The following TENM1 variants were observed in gnomAD, a reference collection of about 807,000 sequenced individuals.
The protein encoded by TENM1 is teneurin-1.
TENM1 carries 35 observed loss-of-function variants against 174.8 expected under a neutral mutation model. The ratio of observed to expected loss-of-function variants is 0.20; its 90% CI spans 0.15 to 0.27. The LOEUF (loss-of-function observed/expected upper bound fraction) is 0.27, where lower values mean the gene tolerates loss of function less well. TENM1 is among the 10% of genes least tolerant of loss of function. TENM1 has a pLI of 1.00. For synonymous variants in TENM1, 781 were observed against 798.7 expected (o/e 0.98, Z 0.37); for missense variants, 1,633 against 2,130.1 (o/e 0.77, Z 4.59).
intron 3 of TENM1, among the ~76,000 whole-genome samples, chrX:124,793,298 A>G (rs2147210277): frequency 9.0e-6 from 1 of 111,620 alleles, no homozygotes; most frequent in African/African-American, 3.2e-5. Flanking sequence ...AGGGCTAAGA[A>G]ATATGAGAAA....
chrX:124,738,918 C>T (rs903682228), intron 3 of TENM1, among the ~76,000 whole-genome samples: 81 of 112,516 alleles, frequency 7.2e-4, no homozygotes, highest in African/African-American at 2.5e-3. Flanking sequence ...CTGGCTAATG[C>T]TCCATTCCCT....
exon 12 of TENM1, chrX:124,565,375 C>T (rs943161541): frequency 1.9e-5 from 23 of 1,180,113 alleles, no homozygotes; most frequent in Non-Finnish European, 2.5e-5. Flanking sequence ...TGGTACTTAC[C>T]AATTGTGCAG....
the TENM1 span, among the ~76,000 whole-genome samples, chrX:125,021,234 T>G: frequency 9.3e-6 from 1 of 107,548 alleles, no homozygotes; most frequent in Admixed American, 1.0e-4. Flanking sequence ...TTTTTTTTTT[T>G]GCCTATGCTT....
At chrX:124,598,306 T>C (rs186967592) in intron 11 of TENM1, among the ~76,000 whole-genome samples, 4 of 111,603 alleles carry the variant, frequency 3.6e-5, no homozygotes, top group East Asian at 2.8e-4. Context: ...ACAACCACTA[T>C]GGAGAACAGT....
At chrX:124,434,113 C>A (rs2060808674) in intron 23 of TENM1, among the ~76,000 whole-genome samples, 1 of 111,566 alleles carries the variant, frequency 9.0e-6, no homozygotes, top group Non-Finnish European at 1.9e-5. Flanking sequence ...GAGGCTACCT[C>A]AGGCTAGTGT....
intron 3 of TENM1, among the ~76,000 whole-genome samples, chrX:124,864,401 T>C (rs1256720016): frequency 8.9e-6 from 1 of 111,833 alleles, no homozygotes; most frequent in East Asian, 2.8e-4. Flanking sequence ...ACAAAGAGAT[T>C]GGAATAATTC....
intron 4 of TENM1, among the ~76,000 whole-genome samples, chrX:124,731,505 G>A (rs932358866): frequency 9.8e-5 from 11 of 111,872 alleles, no homozygotes; most frequent in Admixed American, 7.6e-4. Flanking sequence ...AGCAACTGTA[G>A]TGTGGTTGAA....
At chrX:124,384,854 C>A (rs771674711) in exon 30 of TENM1, 1 of 1,191,100 alleles carries the variant, frequency 8.4e-7, no homozygotes, top group East Asian at 3.0e-5. Context: ...AATAAGAGGT[C>A]CTGCAGGAAC....
chrX:124,576,113 G>A (rs1030380483), intron 11 of TENM1, among the ~76,000 whole-genome samples: 2 of 110,747 alleles, frequency 1.8e-5, no homozygotes, highest in African/African-American at 6.6e-5. Context: ...AGGCTGGAGT[G>A]CAGTGGTGTG....
chrX:124,708,972 C>T (rs1485892072), intron 4 of TENM1, among the ~76,000 whole-genome samples: 3 of 111,336 alleles, frequency 2.7e-5, no homozygotes, highest in African/African-American at 9.8e-5. Context: ...AAGTTAGGCA[C>T]TTTGTCTCCA....
At chrX:124,756,930 G>A (rs1157671476) in intron 3 of TENM1, among the ~76,000 whole-genome samples, 5 of 111,956 alleles carry the variant, frequency 4.5e-5, no homozygotes, top group Admixed American at 9.4e-5. Context: ...TAGGCTGCTC[G>A]GGGGTCAGGG....
intron 20 of TENM1, among the ~76,000 whole-genome samples, chrX:124,490,540 T>C (rs1160280094): frequency 8.9e-6 from 1 of 111,888 alleles, no homozygotes; most frequent in Non-Finnish European, 1.9e-5. Context: ...CAGAGCACAA[T>C]GTATGAAATA....
chrX:124,735,497 T>G (rs1428070060), intron 4 of TENM1, among the ~76,000 whole-genome samples: 1 of 112,461 alleles, frequency 8.9e-6, no homozygotes, highest in Middle Eastern at 4.2e-3. Context: ...TATACACTGT[T>G]GGTGGGAATA....
At chrX:125,170,566 G>C in the TENM1 span, among the ~76,000 whole-genome samples, 5 of 111,231 alleles carry the variant, frequency 4.5e-5, no homozygotes, top group Non-Finnish European at 9.5e-5. Flanking sequence ...AAAAATGACT[G>C]TCTTAAATAT....
the TENM1 span, among the ~76,000 whole-genome samples, chrX:125,078,818 T>G: frequency 1.8e-5 from 2 of 112,113 alleles, no homozygotes; most frequent in African/African-American, 6.5e-5. Context: ...ATGGTTTACA[T>G]AAAACATCAT....
At chrX:124,640,961 CAA>C (rs59598996) in intron 11 of TENM1, among the ~76,000 whole-genome samples, 5 of 57,745 alleles carry the variant, frequency 8.7e-5, no homozygotes, top group Non-Finnish European at 2.9e-5. Context: ...AATCCATCTC[CAA>C]AAAAAAAAAA....
intron 1 of TENM1, among the ~76,000 whole-genome samples, chrX:124,916,865 T>C (rs976890392): frequency 9.1e-6 from 1 of 109,938 alleles, no homozygotes; most frequent in Non-Finnish European, 1.9e-5. Context: ...AAGACATCTT[T>C]AGCCACTGGA....
At chrX:124,817,368 T>C (rs1290492455) in intron 3 of TENM1, among the ~76,000 whole-genome samples, 2 of 112,228 alleles carry the variant, frequency 1.8e-5, no homozygotes, top group Non-Finnish European at 3.8e-5. Context: ...TGTGTCTTTA[T>C]AGTAAAATTA....
At chrX:124,936,527 C>T (rs759420172) in intron 1 of TENM1, among the ~76,000 whole-genome samples, 4 of 111,902 alleles carry the variant, frequency 3.6e-5, no homozygotes, top group South Asian at 3.7e-4. Context: ...TCAATGAAGA[C>T]GGGGTATATA....
Sources: allele counts gnomAD v4.1 joint callset (sites outside exome capture counted in the v4.1 genomes callset), GRCh38; gene constraint gnomAD v4.1.1; transcripts MANE v1.5; gene names NCBI Gene and HGNC (gene_info 2026-07-23, HGNC 2026-07-21).